The following ADAM8 variants were observed in gnomAD, a reference collection of about 807,000 sequenced individuals.
ADAM8 encodes disintegrin and metalloproteinase domain-containing protein 8.
In ADAM8, 104 loss-of-function variants were observed where a neutral mutation model predicts 102.4. That is an observed-to-expected ratio of 1.02 (90% CI 0.87 to 1.20). The LOEUF (loss-of-function observed/expected upper bound fraction) is 1.20. Among genes scored for constraint, ADAM8 ranks in the 50% most tolerant of loss-of-function variants. ADAM8 has a pLI of 0.00. For synonymous variants in ADAM8, 517 were observed against 485.2 expected (o/e 1.07, Z -0.86); for missense variants, 1,132 against 1,159.0 (o/e 0.98, Z 0.34).
chr10:133,272,944 G>C lies in ADAM8; in HGVS notation c.636+13C>G. 1 of 1,612,544 alleles carries C rather than the reference G, an allele frequency of 6.2e-7. No individual in the cohort carries two copies. Among genetic ancestry groups the C allele is most frequent in the Non-Finnish European group, 8.5e-7 (1 of 1,179,738 alleles). ...CGCCGGCTGCTCTCCCACCTTCCCTGCCCCCAACACACCTCTGCATTGTCC... is the reference window on the plus strand; with the variant it reads ...CGCCGGCTGCTCTCCCACCTTCCCTCCCCCCAACACACCTCTGCATTGTCC... On this transcript the variant is annotated intron_variant, in intron 7 of 22. Coordinates refer to ENST00000445355, the MANE Select transcript of ADAM8 (RefSeq NM_001109.5).
intron 19 of ADAM8, 83 bp downstream of exon 19, chr10:133,268,665 G>A (rs1184093690): frequency 2.1e-6 from 3 of 1,433,798 alleles, no homozygotes; most frequent in African/African-American, 2.8e-5. Context: ...GTCCACCATG[G>A]GCCCGTGCTG....
rs777322621 is a variant in ADAM8, at chr10:133,274,040, A to G, written c.228-11T>C. The G allele has an allele frequency of 6.2e-7, 1 of 1,604,138 alleles. No individual in the cohort carries two copies. The highest frequency in any genetic ancestry group is 2.2e-5 in the East Asian group (1 of 44,564). On this transcript the variant is annotated splice_polypyrimidine_tract_variant and intron_variant, in intron 3 of 22. Coordinates refer to ENST00000445355, the MANE Select transcript of ADAM8 (RefSeq NM_001109.5). ...GAGCCCAGCAGGTCCCTGGAAAAGA[A>G]GTGCTGTGACTGCCTCGGCCCCCTC...
chr10:133,269,344 G>C, intron 18 of ADAM8, 101 bp downstream of exon 18: 1 of 1,324,930 alleles, frequency 7.5e-7, no homozygotes. Flanking sequence ...CTGGCACCGT[G>C]AACACCACCA....
intron 19 of ADAM8, among the ~76,000 whole-genome samples, chr10:133,268,367 T>A (rs534050187): frequency 6.6e-6 from 1 of 152,270 alleles, no homozygotes; most frequent in South Asian, 2.1e-4. Context: ...TGTGTCCTGC[T>A]GCGTGGGGGT....
chr10:133,266,207 C>CG (rs1402845856), intron 21 of ADAM8, among the ~76,000 whole-genome samples: 2 of 151,966 alleles, frequency 1.3e-5, no homozygotes, highest in Non-Finnish European at 2.9e-5. Context: ...GCAGAGGGGC[C>CG]GGGGGCTGAG....
intron 16 of ADAM8, 131 bp downstream of exon 16, chr10:133,270,229 C>T (rs1010056075): frequency 1.6e-6 from 2 of 1,285,392 alleles, no homozygotes; most frequent in African/African-American, 1.5e-5. Context: ...TCAGTCTCTA[C>T]TAGAAGCGCG....
At position 133,271,531 on chromosome 10, in the gene ADAM8, G is replaced by T; in HGVS notation, c.1281C>A (p.Pro427=). The T allele has an allele frequency of 6.4e-7, 1 of 1,552,094 alleles. No individual in the cohort carries two copies. Among genetic ancestry groups the T allele is most frequent in the East Asian group, 2.4e-5 (1 of 42,266 alleles). The change falls in exon 12 of 23, where the codon CCC becomes CCA. Residue 427 remains proline, a synonymous_variant. Transcript: ENST00000445355. ...CAGGTATGGGGCATGGACGCACCTC[G>T]GGGGGGCCGCAGTCGCACTGCTCCC... ...ERGEQCDCGP[P]EDCRNRCCNS...
rs773106714 is a variant in ADAM8, at chr10:133,269,448, C to T, written c.1945G>A (p.Ala649Thr). 26 of 1,591,252 alleles carry T rather than the reference C, an allele frequency of 1.6e-5. No homozygotes were observed. The highest frequency in any genetic ancestry group is 9.0e-5 in the East Asian group (4 of 44,548). ...TGCGCTGGCCAGGGAGGCCTACCTG[C>T]GTGCACCTCAGTCAGCAGCTTCGCG... ...HCAKLLTEVH[A>T]ASGSLPVFVV... The change falls in exon 18 of 23, where the codon GCA becomes ACA. Residue 649 changes from alanine (A) to threonine (T), a missense_variant. Coordinates refer to ENST00000445355, the MANE Select transcript of ADAM8 (RefSeq NM_001109.5).
intron 6 of ADAM8, 32 bp from the exon 7 acceptor site, chr10:133,273,051 T>A: frequency 6.2e-7 from 1 of 1,612,660 alleles, no homozygotes; most frequent in Non-Finnish European, 8.5e-7. Context: ...CCAGTCAGCC[T>A]TCCCAGCGCC....
At position 133,271,307 on chromosome 10, in the gene ADAM8, G is replaced by C. The variant is rs530365777; in HGVS notation, c.1285-18C>G. On this transcript the variant is annotated intron_variant, in intron 12 of 22. Coordinates refer to ENST00000445355, the MANE Select transcript of ADAM8 (RefSeq NM_001109.5). ...CGGCAGTCCTGGGGCGACGGCAAAG[G>C]CCTTGGCAGGCTGCACTGGGGCCGG... 1.2e-6 allele frequency: 2 copies of C among 1,604,640 alleles called. No individual in the cohort carries two copies. Among genetic ancestry groups the C allele is most frequent in the East Asian group, 2.2e-5 (1 of 44,570 alleles).
Position 133,269,982 on chromosome 10 carries a change from T to A in ADAM8, c.1786-8A>T. ...ACGTCCTTTCCAGCAAACCTGGGGG[T>A]AGGAGGCGTCTCTCAGGCAGCCGCT... On this transcript the variant is annotated splice_region_variant and splice_polypyrimidine_tract_variant and intron_variant, in intron 16 of 22. Coordinates refer to ENST00000445355, the MANE Select transcript of ADAM8 (RefSeq NM_001109.5). The A allele has an allele frequency of 6.2e-7, 1 of 1,612,326 alleles. No individual in the cohort carries two copies. The highest frequency in any genetic ancestry group is 8.5e-7 in the Non-Finnish European group (1 of 1,179,848).
chr10:133,273,091 G>C (rs542899857), intron 6 of ADAM8, 72 bp from the exon 7 acceptor site: 1 of 1,607,096 alleles, frequency 6.2e-7, no homozygotes, highest in Non-Finnish European at 8.5e-7. Flanking sequence ...AGGGACCCGG[G>C]GCCACTGTCC....
chr10:133,268,698 G>A (rs1293151310), intron 19 of ADAM8, 50 bp downstream of exon 19: 5 of 1,558,638 alleles, frequency 3.2e-6, no homozygotes, highest in East Asian at 4.6e-5. Flanking sequence ...TCTGGCAGCT[G>A]AGCACGGGAA....
chr10:133,268,139 G>A (rs368072866), intron 19 of ADAM8, 21 bp from the exon 20 acceptor site: 58 of 1,256,682 alleles, frequency 4.6e-5, no homozygotes, highest in South Asian at 3.6e-4. Context: ...AGCACAGGGC[G>A]CATGGTCAGT....
chr10:133,275,415 TA>T, intron 2 of ADAM8, 68 bp downstream of exon 2: 2 of 1,238,580 alleles, frequency 1.6e-6, no homozygotes, highest in Non-Finnish European at 2.3e-6. Context: ...TTCTGTAAGC[TA>T]AAGCTCCTTT....
intron 20 of ADAM8, 71 bp from the exon 21 acceptor site, chr10:133,267,488 A>AGGAACCTC: frequency 6.9e-7 from 1 of 1,439,016 alleles, no homozygotes; most frequent in Non-Finnish European, 9.5e-7. Context: ...CCCCAGCTCC[A>AGGAACCTC]GGATCCGAGG....
chr10:133,270,614 C>A (rs1338729410), intron 15 of ADAM8, 104 bp from the exon 16 acceptor site: 3 of 1,540,620 alleles, frequency 1.9e-6, no homozygotes, highest in Non-Finnish European at 2.6e-6. Context: ...TGCGCTTGAG[C>A]CTGGGGTCCA....
chr10:133,268,609 G>A (rs1322899498), intron 19 of ADAM8, 139 bp downstream of exon 19: 1 of 942,168 alleles, frequency 1.1e-6, no homozygotes, highest in Non-Finnish European at 1.6e-6. Flanking sequence ...CCCAAGCCGG[G>A]GGGCGTCATG....
Position 133,275,570 on chromosome 10 carries a change from G to T in ADAM8, c.64C>A (p.Pro22Thr). 2 of 1,491,854 alleles carry T rather than the reference G, an allele frequency of 1.3e-6. No individual in the cohort carries two copies. Among genetic ancestry groups the T allele is most frequent in the Non-Finnish European group, 1.8e-6 (2 of 1,124,154 alleles). 92.4% of individuals were successfully genotyped at this position (1,491,854 alleles called of 1,614,324 possible). ...MMLPAIAPSR[P>T]WALMEQYEVV... The stretch of plus-strand genomic sequence containing the variant: ...TCATACTGCTCCATGAGGGCCCAGG[G>T]CCGGCTGGGGGCAATCGCTGCAGGA... The change falls in exon 2 of 23, where the codon CCC becomes ACC. Residue 22 changes from proline (P) to threonine (T), a missense_variant. By Grantham distance (38) the Pro-to-Thr change is conservative. Transcript: ENST00000445355.
Sources: gnomAD v4.1 joint callset for allele counts (sites outside exome capture counted in the v4.1 genomes callset) on GRCh38, gnomAD v4.1.1 for gene constraint, MANE v1.5 for transcripts, NCBI Gene and HGNC (gene_info 2026-07-23, HGNC 2026-07-21) for gene names.